Variants in RBM18 observed in about 807,000 individuals in gnomAD.
RBM18 encodes the protein RNA binding motif protein 18.
RBM18 carries 18 observed loss-of-function variants against 26.4 expected under a neutral mutation model. The ratio of observed to expected loss-of-function variants is 0.68; its 90% confidence interval spans 0.47 to 1.01. The LOEUF is 1.01. Among genes scored for constraint, RBM18 ranks in the 50% least tolerant of loss-of-function variants. The pLI is 0.00. For synonymous variants in RBM18, 74 were observed against 81.1 expected, an observed-to-expected ratio of 0.91 and a Z score of 0.47; for missense variants, 180 against 219.2, an observed-to-expected ratio of 0.82 and a Z score of 1.13.
At chr9:122,258,224 A>C (rs188354476) in intron 2 of RBM18, among the ~76,000 whole-genome samples, 53 of 152,230 alleles carry the variant, frequency 3.5e-4, no homozygotes, top group African/African-American at 1.3e-3. Context: ...AGGTAATATT[A>C]ATATTTCATG....
chr9:122,262,303 G>A (rs544087838), intron 1 of RBM18, among the ~76,000 whole-genome samples: 1 of 152,266 alleles, frequency 6.6e-6, no homozygotes, highest in African/African-American at 2.4e-5. Context: ...CTTAACAGCT[G>A]TTGGCCTCAG....
chr9:122,251,754 C>A, intron 3 of RBM18, 93 bp downstream of exon 3: 3 of 1,186,246 alleles, frequency 2.5e-6, no homozygotes, highest in Non-Finnish European at 2.4e-6. Context: ...CTCCTGCCTA[C>A]AGGGAACTGC....
chr9:122,242,867 G>A (rs144256326), intron 5 of RBM18, among the ~76,000 whole-genome samples: 63 of 152,016 alleles, frequency 4.1e-4, no homozygotes, highest in East Asian at 7.8e-4. Context: ...TCGCTGTGTC[G>A]TCAGGCTGGA....
At chr9:122,257,197 T>G (rs1342791514) in intron 2 of RBM18, among the ~76,000 whole-genome samples, 2 of 152,102 alleles carry the variant, frequency 1.3e-5, no homozygotes, top group African/African-American at 4.8e-5. Flanking sequence ...TGCCTCAGCC[T>G]CCCGAGTAGC....
Position 122,251,359 on chromosome 9 carries a change from T to C in RBM18, c.240+488A>G, listed in dbSNP as rs550407568. 3.9e-5 allele frequency among the ~76,000 whole-genome samples: 6 copies of C among 152,338 alleles called. No individual in the cohort carries two copies. In the East Asian group the frequency reaches 1.2e-3, roughly 29 times the overall value. On this transcript the variant is annotated intron_variant, in intron 3 of 5. Transcript: ENST00000417201. ...ATTTTAATACAAGGAGATCCATGTA[T>C]ATATCATGGTTGAAGGTGAATGCGC...
rs149071563 is a variant in RBM18, at chr9:122,260,943, C to T, written c.113+437G>A. ...TTCTAAGGTTCCTTACAACTCTGAC[C>T]TTCTATAGTTCTATGGCTGCTTAAT... On this transcript the variant is annotated intron_variant, in intron 2 of 5. Transcript: ENST00000417201. Among the ~76,000 whole-genome samples the T allele has an allele frequency of 5.0e-3, 761 of 152,122 alleles. 9 individuals carry two copies. The highest frequency in any genetic ancestry group is 5.9e-3 in the Non-Finnish European group (398 of 67,998).
intron 2 of RBM18, among the ~76,000 whole-genome samples, chr9:122,257,681 T>C (rs749624784): frequency 1.3e-5 from 2 of 152,230 alleles, no homozygotes; most frequent in Non-Finnish European, 2.9e-5. Flanking sequence ...AAAAAAATTG[T>C]CATTGTTTTA....
chr9:122,260,561 TC>T (rs1193345087), intron 2 of RBM18, among the ~76,000 whole-genome samples: 9 of 150,914 alleles, frequency 6.0e-5, no homozygotes, highest in Admixed American at 3.3e-4. Flanking sequence ...GGCAATTCAA[TC>T]AATTTCGTGA....
rs1397619807 is a variant in RBM18, at chr9:122,243,946, CAT to C, written c.413+1308_413+1309del. On this transcript the variant is annotated intron_variant, in intron 5 of 5. Transcript: ENST00000417201. ...TATACAAATCATAAGAAACTAAAGACATGTTCATTGTAACATGAAGACCACCA... is the reference window on the plus strand; with the variant it reads ...TATACAAATCATAAGAAACTAAAGACGTTCATTGTAACATGAAGACCACCA... 3.7e-6 allele frequency: 3 copies of C among 809,160 alleles called. No homozygotes were observed. In the African/African-American group the frequency reaches 5.6e-5, roughly 15 times the overall value. 50.1% of individuals were successfully genotyped at this position (809,160 alleles called of 1,614,324 possible). A position where few individuals can be genotyped will look rare whatever the true frequency, so the allele number is the denominator to read the frequency against.
chr9:122,262,572 ATTTC>A (rs771164688), intron 1 of RBM18, among the ~76,000 whole-genome samples: 34 of 139,206 alleles, frequency 2.4e-4, no homozygotes, highest in Admixed American at 1.2e-3. Context: ...AAATTGTGGC[ATTTC>A]TTTCTTTCTC....
At position 122,238,851 on chromosome 9, in the gene RBM18, T is replaced by A. The variant is rs563881927; in HGVS notation, c.*3033A>T. The A allele has an allele frequency of 6.6e-6, 1 of 152,140 alleles. No homozygotes were observed. Among genetic ancestry groups the A allele is most frequent in the African/African-American group, 2.4e-5 (1 of 41,494 alleles). The allele number at this position is 152,140 out of a possible 1,614,324, so 9.4% of individuals were successfully genotyped here. ...GTATTGTAATAGTCCAGGGAAGAGA[T>A]GATGGTGGCTTTAAGAAAAATGGTG... On this transcript the variant is annotated 3_prime_UTR_variant, in exon 6 of 6. Transcript: ENST00000417201.
chr9:122,257,565 T>C (rs1029103923), intron 2 of RBM18, among the ~76,000 whole-genome samples: 38 of 152,170 alleles, frequency 2.5e-4, no homozygotes, highest in Non-Finnish European at 7.3e-5. Flanking sequence ...CATCCTAGTG[T>C]AACTTGAGCA....
At chr9:122,249,579 T>C (rs1831565078) in intron 3 of RBM18, among the ~76,000 whole-genome samples, 1 of 151,544 alleles carries the variant, frequency 6.6e-6, no homozygotes, top group South Asian at 2.1e-4. Flanking sequence ...GGTAGTGGTG[T>C]GTGCCTGTGG....
chr9:122,247,385 A>C, intron 4 of RBM18, 133 bp downstream of exon 4: 1 of 726,646 alleles, frequency 1.4e-6, no homozygotes, highest in South Asian at 1.6e-5. Context: ...CACATGGTAG[A>C]TACAAGTAGG....
chr9:122,242,748 C>T (rs1189758962), intron 5 of RBM18, among the ~76,000 whole-genome samples: 1 of 152,006 alleles, frequency 6.6e-6, no homozygotes, highest in African/African-American at 2.4e-5. Flanking sequence ...ACCTTGAACT[C>T]CTGAGCTCAA....
At chr9:122,252,005 C>T in intron 2 of RBM18, 32 bp from the exon 3 acceptor site, 1 of 1,609,172 alleles carries the variant, frequency 6.2e-7, no homozygotes, top group Non-Finnish European at 8.5e-7. Context: ...TGAGTATGCT[C>T]TGGGAATTCT....
chr9:122,242,389 A>T (rs567747127), intron 5 of RBM18, among the ~76,000 whole-genome samples: 17 of 152,326 alleles, frequency 1.1e-4, no homozygotes, highest in African/African-American at 3.6e-4. Context: ...ACAACATTAT[A>T]AGATAGGTTA....
intron 3 of RBM18, among the ~76,000 whole-genome samples, chr9:122,250,827 TTTTC>T (rs1831589910): frequency 2.6e-5 from 4 of 152,042 alleles, no homozygotes; most frequent in Admixed American, 2.6e-4. Flanking sequence ...GTGATTTACA[TTTTC>T]TTTCTCAGTT....
intron 2 of RBM18, 69 bp downstream of exon 2, chr9:122,261,311 T>C (rs1176476206): frequency 9.2e-6 from 10 of 1,089,854 alleles, no homozygotes; most frequent in Non-Finnish European, 1.1e-5. Flanking sequence ...CCTTGAAAAT[T>C]CTTCTTGACA....
Sources: allele counts gnomAD v4.1 joint callset (sites outside exome capture counted in the v4.1 genomes callset), GRCh38; gene constraint gnomAD v4.1.1; transcripts MANE v1.5; gene names NCBI Gene and HGNC (gene_info 2026-07-23, HGNC 2026-07-21).